LRIF1: variants seen among roughly 807,000 people sequenced by gnomAD.
The protein encoded by LRIF1 is ligand-dependent nuclear receptor-interacting factor 1.
A neutral mutation model predicts 52.7 loss-of-function variants in LRIF1; 32 were observed. The ratio of observed to expected loss-of-function variants is 0.61; its 90% CI spans 0.46 to 0.82. LRIF1 has a LOEUF of 0.82. Among genes scored for constraint, LRIF1 ranks in the 40% least tolerant of loss-of-function variants. The pLI is 0.00. For synonymous variants in LRIF1, 323 were observed against 317.4 expected (o/e 1.02, Z -0.19); for missense variants, 887 against 892.0 (o/e 0.99, Z 0.07).
chr1:110,952,752 T>C lies in LRIF1; in HGVS notation c.132A>G (p.Gln44=), dbSNP rs1181095543. The C allele has an allele frequency of 3.7e-6, 6 of 1,613,416 alleles. No homozygotes were observed. Among genetic ancestry groups the C allele is most frequent in the South Asian group, 1.1e-5 (1 of 91,010 alleles). ...TIGSDGKNLL[Q]LLPIPKSSGN... ...CAGAAGACTTAGGAATTGGAAGTAA[T>C]TGCAGAAGATTTTTTCCATCCGAGC... The change falls in exon 2 of 4, where the codon CAA becomes CAG. Residue 44 remains glutamine (Q), a synonymous_variant. Coordinates refer to ENST00000369763, the MANE Select transcript of LRIF1 (RefSeq NM_018372.4).
At position 110,952,683 on chromosome 1, in the gene LRIF1, A is replaced by G; in HGVS notation, c.201T>C (p.Ala67=). 1 of 1,614,126 alleles carries G rather than the reference A, an allele frequency of 6.2e-7. No homozygotes were observed. Among genetic ancestry groups the G allele is most frequent in the Non-Finnish European group, 8.5e-7 (1 of 1,179,998 alleles). The part of the protein sequence containing the change: ...PLVQSSVMSD[A]LKGNTGKPVQ... The stretch of plus-strand genomic sequence containing the variant: ...CTGGTTTTCCTGTATTCCCTTTCAA[A>G]GCATCAGACATGACTGAAGATTGAA... The change falls in exon 2 of 4, where the codon GCT becomes GCC. Residue 67 remains alanine, a synonymous_variant. Transcript: ENST00000369763.
At chr1:110,946,141 A>C (rs1447421184), downstream of LRIF1, among the ~76,000 whole-genome samples, 1 of 152,270 alleles carries the variant, frequency 6.6e-6, no homozygotes, top group African/African-American at 2.4e-5. Context: ...CCATGATGGA[A>C]TATTATTCAG....
At chr1:110,940,066 A>T in the LRIF1 span, 1 of 152,214 alleles carries the variant, frequency 6.6e-6, no homozygotes, top group Non-Finnish European at 1.5e-5. Context: ...GAATGGGACA[A>T]AATATTTGCA....
the LRIF1 span, among the ~76,000 whole-genome samples, chr1:110,905,344 A>C: frequency 6.6e-6 from 1 of 152,168 alleles, no homozygotes; most frequent in Admixed American, 6.5e-5. Flanking sequence ...TTTAATAAGC[A>C]GACTCCCAAA....
the LRIF1 span, among the ~76,000 whole-genome samples, chr1:110,927,593 G>A: frequency 2.0e-5 from 3 of 152,216 alleles, 1 homozygote; most frequent in South Asian, 6.2e-4. Context: ...AGATCCAGGG[G>A]ATGATGGAGT....
chr1:110,906,947 T>A, the LRIF1 span, among the ~76,000 whole-genome samples: 1 of 152,172 alleles, frequency 6.6e-6, no homozygotes, highest in East Asian at 1.9e-4. Flanking sequence ...ATTACAATAG[T>A]ATGGAAATTA....
the LRIF1 span, chr1:110,896,676 C>T: frequency 6.2e-7 from 1 of 1,613,434 alleles, no homozygotes; most frequent in Non-Finnish European, 8.5e-7. Flanking sequence ...GTATAAATGG[C>T]ACGAGTGATT....
chr1:110,919,218 C>T, the LRIF1 span, among the ~76,000 whole-genome samples: 1 of 151,968 alleles, frequency 6.6e-6, no homozygotes, highest in South Asian at 2.1e-4. Flanking sequence ...CTGGGTGTGT[C>T]TGTGAGGGTG....
rs1658468628 is a variant in LRIF1 at position 110,951,403 on chromosome 1, G to A, written c.1481C>T (p.Ala494Val). The A allele has an allele frequency of 1.2e-6, 2 of 1,614,036 alleles. No homozygotes were observed. Among genetic ancestry groups the A allele is most frequent in the East Asian group, 2.2e-5 (1 of 44,874 alleles). The change falls in exon 2 of 4, where the codon GCC (alanine) becomes GTC (valine). Residue 494 changes from alanine (A) to valine (V), a missense_variant. By Grantham distance (64) the Ala-to-Val change is moderately conservative. Transcript: ENST00000369763. ...ACTTCCTTTTCTAGCATAAATGACG[G>A]CTGTTACTTTTCTGGGGGCATTGTG... ...TGHNAPRKVT[A>V]VIYARKGSVL...
the LRIF1 span, chr1:110,896,854 G>T: frequency 1.2e-6 from 1 of 806,044 alleles, no homozygotes. Context: ...TTGAATAAAA[G>T]AGAGGCCAGG....
At chr1:110,955,776 T>C (rs763387606) in intron 1 of LRIF1, among the ~76,000 whole-genome samples, 1 of 152,168 alleles carries the variant, frequency 6.6e-6, no homozygotes, top group Non-Finnish European at 1.5e-5. Context: ...ATAAATGGAA[T>C]CAAAGAAGGG....
At chr1:110,880,501 C>T in the LRIF1 span, among the ~76,000 whole-genome samples, 9 of 152,114 alleles carry the variant, frequency 5.9e-5, no homozygotes, top group Non-Finnish European at 1.2e-4. Flanking sequence ...TCAGGTTACA[C>T]GGGCCTGAAC....
the LRIF1 span, among the ~76,000 whole-genome samples, chr1:110,914,164 C>T: frequency 6.6e-6 from 1 of 151,988 alleles, no homozygotes; most frequent in African/African-American, 2.4e-5. Context: ...TGAAGGGTTA[C>T]TTGAAGGAAG....
chr1:110,951,204 G>A, intron 2 of LRIF1, 84 bp downstream of exon 2: 3 of 1,102,068 alleles, frequency 2.7e-6, no homozygotes, highest in Non-Finnish European at 3.9e-6. Context: ...GGGGAAAGAG[G>A]TATCATAGAT....
At chr1:110,882,919 C>T in the LRIF1 span, among the ~76,000 whole-genome samples, 1 of 151,964 alleles carries the variant, frequency 6.6e-6, no homozygotes. Flanking sequence ...TTTCTAGCAA[C>T]CTTGCTACAC....
intron 2 of LRIF1, 120 bp from the exon 3 acceptor site, chr1:110,950,243 T>C: frequency 8.2e-7 from 1 of 1,225,268 alleles, no homozygotes; most frequent in Non-Finnish European, 1.1e-6. Flanking sequence ...ATGATTGGTT[T>C]GTATTATCCT....
At chr1:110,913,495 G>T in the LRIF1 span, among the ~76,000 whole-genome samples, 1 of 152,100 alleles carries the variant, frequency 6.6e-6, no homozygotes, top group South Asian at 2.1e-4. Flanking sequence ...AAAGTATATG[G>T]TCAGACACTT....
chr1:110,949,963 C>T lies in LRIF1; in HGVS notation c.1757G>A (p.Arg586Gln), dbSNP rs770280706. The change falls in exon 3 of 4, where the codon CGA becomes CAA. Residue 586 changes from arginine to glutamine, a missense_variant. Transcript: ENST00000369763. ...TCCAGAGGTCAAATGGTCAGGAATT[C>T]GAGTAAGGCACACTCTCAAATCCTT... ...LTKDLRVCLT[R>Q]IPDHLTSGEG... 2.5e-6 allele frequency: 4 copies of T among 1,613,936 alleles called. No homozygotes were observed. Among genetic ancestry groups the T allele is most frequent in the Non-Finnish European group, 3.4e-6 (4 of 1,180,020 alleles).
At chr1:110,950,504 T>C (rs1056465762) in intron 2 of LRIF1, among the ~76,000 whole-genome samples, 37 of 152,130 alleles carry the variant, frequency 2.4e-4, no homozygotes, top group Non-Finnish European at 1.5e-5. Flanking sequence ...AGAATTTACC[T>C]CCTTACATCT....
Sources: gnomAD v4.1 joint callset for allele counts (sites outside exome capture counted in the v4.1 genomes callset) on GRCh38, gnomAD v4.1.1 for gene constraint, MANE v1.5 for transcripts, NCBI Gene and HGNC (gene_info 2026-07-23, HGNC 2026-07-21) for gene names.